The following WDR45B variants were observed in gnomAD, a reference collection of about 807,000 sequenced individuals.
WDR45B encodes WD repeat domain phosphoinositide-interacting protein 3.
WDR45B carries 20 observed loss-of-function variants against 44.6 expected under a neutral mutation model. That is an observed-to-expected ratio of 0.45 (90% confidence interval 0.32 to 0.65). WDR45B has a LOEUF of 0.65. Ranked by LOEUF, WDR45B falls within the 30% of genes least tolerant of loss-of-function variation. The pLI, the probability that WDR45B is intolerant of heterozygous loss-of-function variation, is 0.05. For missense variants in WDR45B, 323 were observed against 430.2 expected, an observed-to-expected ratio of 0.75 and a Z score of 2.20; for synonymous variants, 169 against 164.9, an observed-to-expected ratio of 1.02 and a Z score of -0.19.
intron 4 of WDR45B, among the ~76,000 whole-genome samples, chr17:82,626,263 C>T (rs962297346): frequency 7.3e-5 from 11 of 151,070 alleles, no homozygotes; most frequent in East Asian, 2.0e-4. Flanking sequence ...GTTGGCCGGG[C>T]GCAGTGGCTC....
At chr17:82,623,617 G>A (rs2045650325) in intron 5 of WDR45B, among the ~76,000 whole-genome samples, 1 of 151,028 alleles carries the variant, frequency 6.6e-6, no homozygotes, top group Middle Eastern at 3.4e-3. Context: ...AGAACTGCTT[G>A]AACCTGGGAG....
At chr17:82,627,351 A>G in intron 3 of WDR45B, 60 bp from the exon 4 acceptor site, 1 of 1,380,560 alleles carries the variant, frequency 7.2e-7, no homozygotes, top group Non-Finnish European at 1.0e-6. Flanking sequence ...GCTGGGATGC[A>G]GCGATGCCAG....
chr17:82,647,303 C>CT (rs2045991119), intron 1 of WDR45B, among the ~76,000 whole-genome samples: 1 of 152,242 alleles, frequency 6.6e-6, no homozygotes, highest in East Asian at 1.9e-4. Context: ...AAAAACAAAA[C>CT]TTCCAAAGCC....
At chr17:82,621,292 G>GA (rs1428020652) in intron 6 of WDR45B, among the ~76,000 whole-genome samples, 1 of 152,176 alleles carries the variant, frequency 6.6e-6, no homozygotes, top group African/African-American at 2.4e-5. Flanking sequence ...GACCTCAAGT[G>GA]ATCCGCCTGC....
chr17:82,617,147 A>G (rs898329769), intron 8 of WDR45B, 149 bp downstream of exon 8: 2 of 761,194 alleles, frequency 2.6e-6, no homozygotes, highest in African/African-American at 3.5e-5. Context: ...AACAAATATA[A>G]AATTAAATGA....
chr17:82,647,676 C>G (rs1358313352), intron 1 of WDR45B, among the ~76,000 whole-genome samples: 1 of 148,094 alleles, frequency 6.8e-6, no homozygotes, highest in Non-Finnish European at 1.5e-5. Flanking sequence ...GTGACATTTT[C>G]CGATGGAAAC....
chr17:82,629,960 C>T, intron 3 of WDR45B: 2 of 985,252 alleles, frequency 2.0e-6, no homozygotes, highest in Non-Finnish European at 1.2e-6. Flanking sequence ...CTCCTTCCCT[C>T]CTCACCTCCT....
chr17:82,628,492 A>G (rs916762785), intron 3 of WDR45B, among the ~76,000 whole-genome samples: 4 of 152,060 alleles, frequency 2.6e-5, no homozygotes, highest in Non-Finnish European at 5.9e-5. Flanking sequence ...TAATCCCAGC[A>G]CTTTGGGAGG....
At chr17:82,622,724 T>TAAA (rs2045635690) in intron 5 of WDR45B, among the ~76,000 whole-genome samples, 2 of 150,014 alleles carry the variant, frequency 1.3e-5, no homozygotes, top group African/African-American at 4.9e-5. Flanking sequence ...GACCAAAAAT[T>TAAA]TTTTTTTTTT....
At chr17:82,631,353 G>A (rs9747071) in intron 2 of WDR45B, among the ~76,000 whole-genome samples, 19,219 of 138,592 alleles carry the variant, frequency 0.14, 1,639 homozygotes, top group East Asian at 0.27. Flanking sequence ...GCGCGATCTC[G>A]GCTTACTGCA....
chr17:82,629,686 T>G, intron 3 of WDR45B: 2 of 984,754 alleles, frequency 2.0e-6, no homozygotes, highest in Non-Finnish European at 2.4e-6. Context: ...CCGAGTGTGG[T>G]CTCTCTTCCG....
At chr17:82,647,914 C>T (rs2046001247) in intron 1 of WDR45B, among the ~76,000 whole-genome samples, 1 of 151,066 alleles carries the variant, frequency 6.6e-6, no homozygotes, top group East Asian at 2.0e-4. Context: ...CCAGGGAACC[C>T]GAGTGGGCGT....
At chr17:82,621,926 T>G (rs1056314474) in intron 5 of WDR45B, 127 bp from the exon 6 acceptor site, 3 of 1,107,386 alleles carry the variant, frequency 2.7e-6, no homozygotes, top group Admixed American at 4.2e-5. Flanking sequence ...GAACCACAAA[T>G]TCAATTTAAA....
intron 3 of WDR45B, chr17:82,629,523 A>G: frequency 1.0e-6 from 1 of 985,510 alleles, no homozygotes; most frequent in Non-Finnish European, 1.2e-6. Context: ...AAGCTGGCAC[A>G]GACAAACCTT....
At position 82,644,052 on chromosome 17, in the gene WDR45B, A is replaced by AT. The variant is rs1291342398; in HGVS notation, c.68-30dup. 2.5e-6 allele frequency: 4 copies of AT among 1,611,518 alleles called. No homozygotes were observed. The Admixed American group carries it at 6.7e-5, about 27-fold the overall frequency. ...AAGCAGAAGTGTAAAAGAGACATTAATCCCCAGGCCTGGAGTGGTTAAAAG... is the reference window on the plus strand; with the variant it reads ...AAGCAGAAGTGTAAAAGAGACATTAATTCCCCAGGCCTGGAGTGGTTAAAAG... On this transcript the variant is annotated intron_variant, in intron 1 of 9. Coordinates refer to ENST00000392325, the MANE Select transcript of WDR45B (RefSeq NM_019613.4).
At position 82,617,284 on chromosome 17, in the gene WDR45B, C is replaced by G. The variant is rs1352746308; in HGVS notation, c.806+12G>C. On this transcript the variant is annotated intron_variant, in intron 8 of 9. Coordinates refer to ENST00000392325, the MANE Select transcript of WDR45B (RefSeq NM_019613.4). ...CCCCCGGCTTTTCCCCAGCAGGCAT[C>G]CTAACACCTACCTGGACTGTTTATT... 2 of 1,611,830 alleles carry G rather than the reference C, an allele frequency of 1.2e-6. No individual in the cohort carries two copies. The highest frequency in any genetic ancestry group is 1.7e-6 in the Non-Finnish European group (2 of 1,179,576).
At chr17:82,647,162 G>GAGGT (rs2045988741) in intron 1 of WDR45B, among the ~76,000 whole-genome samples, 1 of 152,218 alleles carries the variant, frequency 6.6e-6, no homozygotes, top group Admixed American at 6.5e-5. Context: ...CCGGGAGGAG[G>GAGGT]AGGTTGCAGT....
chr17:82,640,921 A>T (rs2045906374), intron 2 of WDR45B, among the ~76,000 whole-genome samples: 1 of 151,370 alleles, frequency 6.6e-6, no homozygotes, highest in Admixed American at 6.6e-5. Context: ...AACCATGACA[A>T]TGGTATACTT....
chr17:82,644,116 G>A (rs1362146376), intron 1 of WDR45B, 93 bp from the exon 2 acceptor site: 1 of 1,197,590 alleles, frequency 8.4e-7, no homozygotes, highest in African/African-American at 1.5e-5. Flanking sequence ...GAGAACTCTT[G>A]CAGATGCTCA....
Sources: allele counts gnomAD v4.1 joint callset (sites outside exome capture counted in the v4.1 genomes callset), GRCh38; gene constraint gnomAD v4.1.1; transcripts MANE v1.5; gene names NCBI Gene and HGNC (gene_info 2026-07-23, HGNC 2026-07-21).